SGCD: variants seen among roughly 807,000 people sequenced by gnomAD.
SGCD encodes delta-sarcoglycan.
SGCD carries 18 observed loss-of-function variants against 36.6 expected under a neutral mutation model. That is an observed-to-expected ratio of 0.49 (90% confidence interval 0.34 to 0.73). SGCD has a LOEUF of 0.73. Ranked by LOEUF, SGCD falls within the 30% of genes least tolerant of loss-of-function variation. The probability of loss-of-function intolerance (pLI) is 0.01; values close to 1 mark genes in which losing one functional copy is unlikely to be tolerated. For synonymous variants in SGCD, 133 were observed against 130.6 expected (o/e 1.02, Z -0.12); for missense variants, 387 against 346.7 (o/e 1.12, Z -0.92).
At position 156,188,666 on chromosome 5, in the gene SGCD, CCG is replaced by C. The variant is rs370964310; in HGVS notation, c.-44+64649_-44+64650del. 4.1e-3 allele frequency among the ~76,000 whole-genome samples: 263 copies of C among 63,932 alleles called. 3 individuals carry two copies. Among genetic ancestry groups the C allele is most frequent in the South Asian group, 0.01 (20 of 1,910 alleles). The allele number at this position is 63,932 out of a possible 152,430, so 41.9% of individuals were successfully genotyped here. ...CTCAGTGTCTCTCTGACCACCCCAA[CCG>C]CCCCCCCCGACACACATACACACAA... is the stretch of plus-strand genomic sequence containing the variant. On this transcript the variant is annotated intron_variant, in intron 3 of 9. Coordinates refer to the SGCD transcript ENST00000517913.
At chr5:156,604,248 C>CT (rs1761324018) in intron 6 of SGCD, among the ~76,000 whole-genome samples, 1 of 151,688 alleles carries the variant, frequency 6.6e-6, no homozygotes, top group Non-Finnish European at 1.5e-5. Flanking sequence ...AATGGACTGT[C>CT]TTTTTTCATT....
At chr5:156,648,209 C>T (rs1158485126) in intron 7 of SGCD, among the ~76,000 whole-genome samples, 4 of 151,216 alleles carry the variant, frequency 2.6e-5, no homozygotes, top group African/African-American at 9.7e-5. Flanking sequence ...TAGAACTATT[C>T]TTTCTATTGC....
At position 156,327,182 on chromosome 5, in the gene SGCD, C is replaced by G. The variant is rs13170573; in HGVS notation, c.-94C>G. The G allele has an allele frequency of 0.38, 57,519 of 152,358 alleles. 11,991 individuals carry two copies. The highest frequency in any genetic ancestry group is 0.79 in the East Asian group (4,075 of 5,160). The allele number at this position is 152,358 out of a possible 1,614,324, so 9.4% of individuals were successfully genotyped here. Reference sequence around the variant, plus strand: ...CTCCTTCAGAGCTGCTCAGCACGCCCTGGGATCGCGGGCGGTTTTCATCGG... The same window carrying G: ...CTCCTTCAGAGCTGCTCAGCACGCCGTGGGATCGCGGGCGGTTTTCATCGG... On this transcript the variant is annotated 5_prime_UTR_variant, in exon 1 of 9. Coordinates refer to ENST00000337851, the MANE Select transcript of SGCD (RefSeq NM_000337.6).
chr5:156,012,850 G>C (rs980133515), intron 1 of SGCD, among the ~76,000 whole-genome samples: 6 of 151,744 alleles, frequency 4.0e-5, no homozygotes, highest in African/African-American at 1.2e-4. Context: ...CTGACCTCGT[G>C]ATCTGCCTGC....
At chr5:156,223,727 C>G (rs950589555) in intron 3 of SGCD, among the ~76,000 whole-genome samples, 1 of 151,984 alleles carries the variant, frequency 6.6e-6, no homozygotes, top group Non-Finnish European at 1.5e-5. Context: ...TACGTGGTGA[C>G]AGGCTAAATG....
At chr5:156,417,665 C>T (rs1264194645) in intron 3 of SGCD, among the ~76,000 whole-genome samples, 3 of 152,080 alleles carry the variant, frequency 2.0e-5, no homozygotes, top group African/African-American at 7.2e-5. Context: ...TTTTTTCTTA[C>T]AGGGGCACCA....
At chr5:156,002,491 G>A (rs1420781196) in intron 1 of SGCD, among the ~76,000 whole-genome samples, 1 of 152,138 alleles carries the variant, frequency 6.6e-6, no homozygotes, top group African/African-American at 2.4e-5. Flanking sequence ...ATGTGCTATG[G>A]GCATGCCCAT....
At chr5:156,001,889 C>T (rs1312951773) in intron 1 of SGCD, among the ~76,000 whole-genome samples, 1 of 152,156 alleles carries the variant, frequency 6.6e-6, no homozygotes, top group Non-Finnish European at 1.5e-5. Context: ...AAGCAGCTGG[C>T]CAGGCCCTCA....
intron 4 of SGCD, among the ~76,000 whole-genome samples, chr5:156,524,113 T>C (rs1263687274): frequency 5.9e-5 from 2 of 33,962 alleles, no homozygotes; most frequent in African/African-American, 9.3e-5. Context: ...TATATATATA[T>C]ATATATATAT....
chr5:155,849,898 C>T, the SGCD span, among the ~76,000 whole-genome samples: 2 of 152,054 alleles, frequency 1.3e-5, no homozygotes, highest in Non-Finnish European at 2.9e-5. Context: ...TTGAATGAGT[C>T]GACACAGTTA....
At position 155,974,555 on chromosome 5, in the gene SGCD, C is replaced by T. The variant is rs145630578; in HGVS notation, c.-282+104131C>T. ...CCAACTCCCACTGGACGGCCAGTAG[C>T]AGTGACCATGTAGTCAGCGATGTCT... On this transcript the variant is annotated intron_variant, in intron 1 of 9. Coordinates refer to the SGCD transcript ENST00000517913. 4.1e-3 allele frequency among the ~76,000 whole-genome samples: 597 copies of T among 147,208 alleles called. 5 individuals are homozygous for T. Among genetic ancestry groups the T allele is most frequent in the African/African-American group, 0.014 (563 of 40,680 alleles).
At chr5:155,886,838 A>G (rs11739086) in intron 1 of SGCD, among the ~76,000 whole-genome samples, 27,337 of 152,200 alleles carry the variant, frequency 0.18, 3,165 homozygotes, top group Non-Finnish European at 0.26. Flanking sequence ...CTCAGCAGGA[A>G]GGCTCACTGA....
chr5:156,683,732 G>T (rs568469720), intron 7 of SGCD, among the ~76,000 whole-genome samples: 1 of 152,144 alleles, frequency 6.6e-6, no homozygotes, highest in Non-Finnish European at 1.5e-5. Flanking sequence ...ACACAGTCAC[G>T]TGATCTTGAG....
At chr5:156,561,023 C>A (rs1461854485) in intron 4 of SGCD, among the ~76,000 whole-genome samples, 1 of 152,090 alleles carries the variant, frequency 6.6e-6, no homozygotes, top group Non-Finnish European at 1.5e-5. Context: ...CATTCAGTAA[C>A]CTCATCAATT....
intron 3 of SGCD, among the ~76,000 whole-genome samples, chr5:156,360,565 G>T (rs1397983985): frequency 6.6e-6 from 1 of 152,026 alleles, no homozygotes; most frequent in Admixed American, 6.5e-5. Context: ...CCACCTTTGA[G>T]TGCTGTCTTC....
At chr5:155,841,251 G>C in the SGCD span, among the ~76,000 whole-genome samples, 1 of 152,118 alleles carries the variant, frequency 6.6e-6, no homozygotes, top group East Asian at 1.9e-4. Context: ...AGACCCAAAG[G>C]TACAGGGGAA....
At chr5:155,807,932 T>A in the SGCD span, among the ~76,000 whole-genome samples, 25 of 152,346 alleles carry the variant, frequency 1.6e-4, no homozygotes, top group African/African-American at 5.8e-4. Flanking sequence ...AAAAAGAGGC[T>A]GCATTTATTA....
intron 3 of SGCD, among the ~76,000 whole-genome samples, chr5:156,251,722 G>T (rs952903195): frequency 2.6e-5 from 4 of 151,896 alleles, no homozygotes; most frequent in Non-Finnish European, 5.9e-5. Flanking sequence ...CACCATATTG[G>T]CCAGGATGGT....
chr5:155,785,444 T>C, the SGCD span, among the ~76,000 whole-genome samples: 2 of 152,134 alleles, frequency 1.3e-5, no homozygotes, highest in African/African-American at 2.4e-5. Context: ...CAAAATCCTC[T>C]CTTCTAGCTG....
Sources: allele counts gnomAD v4.1 joint callset (sites outside exome capture counted in the v4.1 genomes callset), GRCh38; gene constraint gnomAD v4.1.1; transcripts MANE v1.5; gene names NCBI Gene and HGNC (gene_info 2026-07-23, HGNC 2026-07-21).